EIF3K: variants seen among roughly 807,000 people sequenced by gnomAD.
The protein encoded by EIF3K is eIF-3 p28.
In EIF3K, 27 loss-of-function variants were observed where a neutral mutation model predicts 34.2. The observed-to-expected ratio is 0.79, with a 90% confidence interval of 0.58 to 1.09. EIF3K has a LOEUF of 1.09. Ranked by LOEUF, EIF3K falls within the 50% of genes least tolerant of loss-of-function variation. The probability of loss-of-function intolerance (pLI) is 0.00; values close to 1 mark genes in which losing one functional copy is unlikely to be tolerated. For synonymous variants in EIF3K, 105 were observed against 105.7 expected, an observed-to-expected ratio of 0.99 and a Z score of 0.04; for missense variants, 232 against 275.4, an observed-to-expected ratio of 0.84 and a Z score of 1.11.
At chr19:38,631,858 A>G (rs892487720) in intron 4 of EIF3K, among the ~76,000 whole-genome samples, 15 of 152,180 alleles carry the variant, frequency 9.9e-5, no homozygotes, top group Admixed American at 5.2e-4. Context: ...GATGACTCTC[A>G]AGGAGCATGC....
chr19:38,626,140 G>C, intron 4 of EIF3K, 38 bp downstream of exon 4: 1 of 1,591,080 alleles, frequency 6.3e-7, no homozygotes, highest in Non-Finnish European at 8.6e-7. Flanking sequence ...GGAGATGGCA[G>C]GGCCATGTGG....
chr19:38,622,639 CG>C (rs1399443175), intron 2 of EIF3K, among the ~76,000 whole-genome samples: 4 of 152,180 alleles, frequency 2.6e-5, no homozygotes, highest in Non-Finnish European at 5.9e-5. Context: ...TGAGATCAAC[CG>C]GTCTGACCAA....
Position 38,619,236 on chromosome 19 carries a change from C to T in EIF3K, c.-33C>T. On this transcript the variant is annotated 5_prime_UTR_variant, in exon 1 of 8. Transcript: ENST00000248342. ...GACGCCGTGCCGGGTCAGTGTTAGC[C>T]TCCAGCCCTGGTTGTGGAAGGCGAC... The T allele has an allele frequency of 6.2e-7, 1 of 1,613,320 alleles. No individual in the cohort carries two copies. Among genetic ancestry groups the T allele is most frequent in the Non-Finnish European group, 8.5e-7 (1 of 1,179,518 alleles).
At chr19:38,632,406 T>C in intron 4 of EIF3K, 24 bp from the exon 5 acceptor site, 1 of 1,605,168 alleles carries the variant, frequency 6.2e-7, no homozygotes, top group East Asian at 2.2e-5. Flanking sequence ...GAATAAACAT[T>C]GTGAACATCA....
intron 6 of EIF3K, 39 bp from the exon 7 acceptor site, chr19:38,634,953 CA>C (rs770406967): frequency 6.2e-7 from 1 of 1,612,970 alleles, no homozygotes; most frequent in African/African-American, 1.3e-5. Context: ...ACTGTGGGAT[CA>C]GGCTGACTGA....
intron 6 of EIF3K, 21 bp downstream of exon 6, chr19:38,632,699 G>C (rs1976097218): frequency 3.8e-6 from 6 of 1,599,898 alleles, no homozygotes; most frequent in Non-Finnish European, 4.3e-6. Context: ...CTGGGTCCTG[G>C]TGCACATCTG....
At chr19:38,623,314 A>G (rs1975882431) in intron 2 of EIF3K, among the ~76,000 whole-genome samples, 1 of 152,200 alleles carries the variant, frequency 6.6e-6, no homozygotes. Flanking sequence ...CGCAACAGGT[A>G]CGCACCACCA....
rs1387169356 is a variant in EIF3K, at chr19:38,636,347, G to C, written c.626-542G>C. Among the ~76,000 whole-genome samples the C allele has an allele frequency of 4.6e-5, 7 of 152,224 alleles. No homozygotes were observed. In the South Asian group the frequency reaches 1.0e-3, roughly 23 times the overall value. On this transcript the variant is annotated intron_variant, in intron 7 of 7. Transcript: ENST00000248342. Reference sequence around the variant, plus strand: ...TTCTGGCTCCATTGCTCTGTGTCCTGGGTCAAACAGGATAGGTTCAAAATA... The same window carrying C: ...TTCTGGCTCCATTGCTCTGTGTCCTCGGTCAAACAGGATAGGTTCAAAATA...
chr19:38,620,417 A>T lies in EIF3K; in HGVS notation c.140A>T (p.Asn47Ile). The T allele has an allele frequency of 6.2e-7, 1 of 1,613,842 alleles. No homozygotes were observed. Among genetic ancestry groups the T allele is most frequent in the Non-Finnish European group, 8.5e-7 (1 of 1,179,942 alleles). ...GAAAATGCCTATGATCTGGAAGCCAACCTGGCTGTCCTGAAGCTGTAAGTG... is the reference window on the plus strand; with the variant it reads ...GAAAATGCCTATGATCTGGAAGCCATCCTGGCTGTCCTGAAGCTGTAAGTG... ...AKENAYDLEA[N>I]LAVLKLYQFN... is the part of the protein sequence containing the mutation. The change falls in exon 2 of 8, where the codon AAC (asparagine) becomes ATC (isoleucine). Residue 47 changes from asparagine (N) to isoleucine (I), a missense_variant. Physicochemically the swap from Asn to Ile is moderately radical, Grantham distance 149 (BLOSUM62 -3). Transcript: ENST00000248342.
At chr19:38,623,825 C>G (rs1371646931) in intron 2 of EIF3K, among the ~76,000 whole-genome samples, 2 of 152,212 alleles carry the variant, frequency 1.3e-5, no homozygotes, top group African/African-American at 4.8e-5. Flanking sequence ...TGCTGCTGTT[C>G]TCATTTGTTT....
chr19:38,634,632 G>A (rs1014676713), intron 6 of EIF3K, among the ~76,000 whole-genome samples: 1 of 152,094 alleles, frequency 6.6e-6, no homozygotes, highest in African/African-American at 2.4e-5. Context: ...TCTGGTAATG[G>A]TCATGTTATA....
chr19:38,620,169 A>G, intron 1 of EIF3K, among the ~76,000 whole-genome samples, 168 bp from the exon 2 acceptor site: 1 of 152,170 alleles, frequency 6.6e-6, no homozygotes, highest in Non-Finnish European at 1.5e-5. Context: ...AATAAGTTTT[A>G]CTAGAGATTA....
At chr19:38,624,598 C>T (rs1975909420) in intron 3 of EIF3K, among the ~76,000 whole-genome samples, 1 of 152,072 alleles carries the variant, frequency 6.6e-6, no homozygotes. Flanking sequence ...ATTAGCCAGG[C>T]ACAGTGGCAC....
At chr19:38,621,695 G>A (rs2144761370) in intron 2 of EIF3K, among the ~76,000 whole-genome samples, 2 of 152,290 alleles carry the variant, frequency 1.3e-5, no homozygotes, top group Middle Eastern at 6.8e-3. Flanking sequence ...TACAGATGGA[G>A]TGCATACAGC....
chr19:38,619,426 G>T, intron 1 of EIF3K, 99 bp downstream of exon 1: 1 of 1,393,716 alleles, frequency 7.2e-7, no homozygotes, highest in Non-Finnish European at 9.9e-7. Flanking sequence ...GCTTGCCGCG[G>T]GGTGGGGTTT....
chr19:38,635,474 G>A (rs1405370892), intron 7 of EIF3K: 1 of 370,532 alleles, frequency 2.7e-6, no homozygotes, highest in East Asian at 4.1e-5. Flanking sequence ...GTGCAGACTT[G>A]GAATCCGGTG....
intron 4 of EIF3K, chr19:38,630,586 G>A (rs1395138963): frequency 1.3e-5 from 2 of 151,622 alleles, no homozygotes; most frequent in Non-Finnish European, 2.9e-5. Context: ...CCTCACGATC[G>A]CCCGTCTCAG....
chr19:38,631,627 A>C (rs1420954063), intron 4 of EIF3K, among the ~76,000 whole-genome samples: 1 of 152,174 alleles, frequency 6.6e-6, no homozygotes. Flanking sequence ...TCTTGTCTCA[A>C]CTGCAAAGAG....
chr19:38,631,798 C>T (rs939651877), intron 4 of EIF3K, among the ~76,000 whole-genome samples: 2 of 152,026 alleles, frequency 1.3e-5, no homozygotes, highest in Admixed American at 6.6e-5. Flanking sequence ...GAGGTCCCTG[C>T]GGTCTTCCGC....
Sources: gnomAD v4.1 joint callset for allele counts (sites outside exome capture counted in the v4.1 genomes callset) on GRCh38, gnomAD v4.1.1 for gene constraint, MANE v1.5 for transcripts, NCBI Gene and HGNC (gene_info 2026-07-23, HGNC 2026-07-21) for gene names.